The following ARID1B variants were observed in gnomAD, a reference collection of about 807,000 sequenced individuals.
ARID1B encodes AT-rich interactive domain-containing protein 1B.
Under a neutral mutation model 212.3 loss-of-function variants are expected in ARID1B, and 30 were observed. The ratio of observed to expected loss-of-function variants is 0.14; its 90% CI spans 0.11 to 0.19. The LOEUF (loss-of-function observed/expected upper bound fraction) is 0.19, where lower values mean the gene tolerates loss of function less well. ARID1B is among the 10% of genes least tolerant of loss of function. The pLI is 1.00. For missense variants in ARID1B, 2,891 were observed against 3,204.0 expected (o/e 0.90, Z 2.36); for synonymous variants, 1,402 against 1,301.7 (o/e 1.08, Z -1.66).
intron 4 of ARID1B, among the ~76,000 whole-genome samples, chr6:156,978,176 A>G (rs969015241): frequency 6.6e-5 from 10 of 152,180 alleles, no homozygotes; most frequent in Non-Finnish European, 1.0e-4. Context: ...TGAAAACACC[A>G]TCCTCTTATT....
At chr6:157,140,356 G>GGA (rs1789257348) in intron 7 of ARID1B, among the ~76,000 whole-genome samples, 1 of 152,104 alleles carries the variant, frequency 6.6e-6, no homozygotes, top group African/African-American at 2.4e-5. Flanking sequence ...TGTAATCCCA[G>GGA]CTACTCAGGA....
chr6:156,834,274 G>C (rs1257504502), intron 2 of ARID1B, among the ~76,000 whole-genome samples: 1 of 152,126 alleles, frequency 6.6e-6, no homozygotes, highest in Non-Finnish European at 1.5e-5. Context: ...ATTTAAAAAA[G>C]AGCCTAGACT....
chr6:156,832,788 G>A (rs1326401875), intron 2 of ARID1B, among the ~76,000 whole-genome samples: 1 of 152,198 alleles, frequency 6.6e-6, no homozygotes, highest in Non-Finnish European at 1.5e-5. Flanking sequence ...ACTGGCCACT[G>A]ACTGTGTTTG....
At chr6:156,868,927 A>G (rs1166194095) in intron 2 of ARID1B, among the ~76,000 whole-genome samples, 2 of 152,252 alleles carry the variant, frequency 1.3e-5, no homozygotes, top group East Asian at 3.8e-4. Flanking sequence ...TCATTACAAT[A>G]TAAAAGAAGT....
chr6:157,196,052 C>T, intron 15 of ARID1B, 113 bp from the exon 16 acceptor site: 2 of 1,333,962 alleles, frequency 1.5e-6, no homozygotes, highest in Non-Finnish European at 2.1e-6. Flanking sequence ...GAGTGAGACT[C>T]CATCTCAAAA....
chr6:157,189,587 C>T, intron 13 of ARID1B, 55 bp from the exon 14 acceptor site: 1 of 1,550,394 alleles, frequency 6.4e-7, no homozygotes, highest in Admixed American at 2.2e-5. Flanking sequence ...GGCAGCTGGG[C>T]TTACTTGATA....
At chr6:156,862,062 A>G (rs1346438952) in intron 2 of ARID1B, among the ~76,000 whole-genome samples, 1 of 152,232 alleles carries the variant, frequency 6.6e-6, no homozygotes, top group East Asian at 1.9e-4. Context: ...GAAGACAGTG[A>G]CGTTGCTTTT....
At chr6:156,791,031 T>C (rs993119476) in intron 1 of ARID1B, among the ~76,000 whole-genome samples, 3 of 152,258 alleles carry the variant, frequency 2.0e-5, no homozygotes, top group African/African-American at 7.2e-5. Flanking sequence ...GAATTTTATT[T>C]AAGACAGTTA....
chr6:157,135,305 G>A (rs1788835744), intron 7 of ARID1B, among the ~76,000 whole-genome samples: 1 of 152,172 alleles, frequency 6.6e-6, no homozygotes, highest in South Asian at 2.1e-4. Flanking sequence ...TACGAATAAA[G>A]CCTTGCTTCA....
At chr6:157,014,504 C>A (rs1343376030) in intron 4 of ARID1B, among the ~76,000 whole-genome samples, 2 of 152,070 alleles carry the variant, frequency 1.3e-5, no homozygotes, top group Non-Finnish European at 2.9e-5. Flanking sequence ...TAAGTAGGGT[C>A]CTGCTTTGAA....
At chr6:157,204,038 A>G in intron 19 of ARID1B, 42 bp downstream of exon 19, 1 of 1,611,732 alleles carries the variant, frequency 6.2e-7, no homozygotes, top group Non-Finnish European at 8.5e-7. Flanking sequence ...TTAGGATAGG[A>G]GAGCATCAGG....
intron 5 of ARID1B, among the ~76,000 whole-genome samples, chr6:157,086,575 T>C (rs1784982586): frequency 6.6e-6 from 1 of 152,256 alleles, no homozygotes; most frequent in African/African-American, 2.4e-5. Context: ...TATAAAGATA[T>C]AATGCTTTTA....
intron 2 of ARID1B, among the ~76,000 whole-genome samples, chr6:156,832,783 C>T (rs1006893937): frequency 9.2e-5 from 14 of 152,134 alleles, no homozygotes; most frequent in African/African-American, 3.4e-4. Context: ...AAGGAACTGG[C>T]CACTGACTGT....
intron 13 of ARID1B, 137 bp downstream of exon 13, chr6:157,184,572 GT>G: frequency 9.7e-7 from 1 of 1,032,708 alleles, no homozygotes; most frequent in Non-Finnish European, 1.4e-6. Flanking sequence ...GTGTCGTTTT[GT>G]TTATTTAATT....
At chr6:156,840,872 A>G (rs1328125355) in intron 2 of ARID1B, among the ~76,000 whole-genome samples, 4 of 152,164 alleles carry the variant, frequency 2.6e-5, no homozygotes, top group East Asian at 3.8e-4. Flanking sequence ...TCTAAGGCCC[A>G]TTATGTCTCA....
intron 13 of ARID1B, among the ~76,000 whole-genome samples, chr6:157,186,874 C>G (rs1295635149): frequency 6.6e-6 from 1 of 152,168 alleles, no homozygotes; most frequent in Non-Finnish European, 1.5e-5. Flanking sequence ...TCATCTGTCT[C>G]TAGTCAGGTT....
At position 156,977,124 on chromosome 6, in the gene ARID1B, T is replaced by G. The variant is rs111545994; in HGVS notation, c.2247+41548T>G. The G allele has an allele frequency of 3.6e-3, 947 of 263,864 alleles. 14 individuals are homozygous for G. Among genetic ancestry groups the G allele is most frequent in the African/African-American group, 0.021 (907 of 43,274 alleles). The allele number at this position is 263,864 out of a possible 1,614,324, so 16.3% of individuals were successfully genotyped here. A position where few individuals can be genotyped will look rare whatever the true frequency, so the allele number is the denominator to read the frequency against. ...AAAAAAAAAAGATTTTTCTCTCTCC[T>G]TGGTTTTAAGAAATTTAATTATGAT... is the stretch of plus-strand genomic sequence containing the variant. On this transcript the variant is annotated intron_variant, in intron 4 of 19. Coordinates refer to ENST00000636930, the MANE Select transcript of ARID1B (RefSeq NM_001374828.1).
At chr6:156,962,224 G>A (rs1349381408) in intron 4 of ARID1B, among the ~76,000 whole-genome samples, 3 of 152,154 alleles carry the variant, frequency 2.0e-5, no homozygotes, top group Middle Eastern at 3.4e-3. Context: ...GCGTGAACCC[G>A]GCGGGCGGAG....
intron 4 of ARID1B, among the ~76,000 whole-genome samples, chr6:157,021,937 C>G (rs1780321454): frequency 1.3e-5 from 2 of 152,330 alleles, no homozygotes; most frequent in Admixed American, 6.5e-5. Context: ...GTGGCGCGCC[C>G]AGCGCTTAAG....
Sources: gnomAD v4.1 joint callset for allele counts (sites outside exome capture counted in the v4.1 genomes callset) on GRCh38, gnomAD v4.1.1 for gene constraint, MANE v1.5 for transcripts, NCBI Gene and HGNC (gene_info 2026-07-23, HGNC 2026-07-21) for gene names.